MTMR9: variants seen among roughly 807,000 people sequenced by gnomAD.
The protein encoded by MTMR9 is myotubularin related protein 9.
A neutral mutation model predicts 69.5 loss-of-function variants in MTMR9; 39 were observed. That is an observed-to-expected ratio of 0.56 (90% CI 0.43 to 0.73). MTMR9 has a LOEUF of 0.73. Ranked by LOEUF, MTMR9 falls within the 30% of genes least tolerant of loss-of-function variation. MTMR9 has a pLI of 0.00. For missense variants in MTMR9, 900 were observed against 671.2 expected, an observed-to-expected ratio of 1.34 and a Z score of -3.77; for synonymous variants, 354 against 240.8, an observed-to-expected ratio of 1.47 and a Z score of -4.35.
intron 2 of MTMR9, among the ~76,000 whole-genome samples, chr8:11,299,418 C>T (rs1187992572): frequency 1.3e-5 from 2 of 152,184 alleles, no homozygotes; most frequent in African/African-American, 4.8e-5. Context: ...GCTTCAACAA[C>T]ACTATGAAGT....
At chr8:11,306,497 A>G in intron 5 of MTMR9, 90 bp downstream of exon 5, 1 of 1,179,760 alleles carries the variant, frequency 8.5e-7, no homozygotes, top group Non-Finnish European at 1.2e-6. Context: ...AAGTGCTCAA[A>G]TTAACTTCTG....
intron 9 of MTMR9, chr8:11,320,354 A>G (rs1159337110): frequency 1.3e-5 from 2 of 152,298 alleles, no homozygotes; most frequent in Non-Finnish European, 2.9e-5. Flanking sequence ...AATCTATTCT[A>G]AAGTAGATTT....
At chr8:11,338,165 A>G in the MTMR9 span, among the ~76,000 whole-genome samples, 2 of 152,246 alleles carry the variant, frequency 1.3e-5, no homozygotes, top group African/African-American at 4.8e-5. Context: ...TGATGCTTGG[A>G]AAAATGATGG....
At chr8:11,312,437 C>T (rs1800241400) in intron 6 of MTMR9, among the ~76,000 whole-genome samples, 1 of 152,198 alleles carries the variant, frequency 6.6e-6, no homozygotes. Flanking sequence ...ACTTCAAACT[C>T]CTGGCTTCAA....
chr8:11,297,910 G>T (rs1323508447), intron 2 of MTMR9: 2 of 456,094 alleles, frequency 4.4e-6, no homozygotes, highest in South Asian at 3.1e-5. Flanking sequence ...AATCCCTCCT[G>T]CTAGCCCTCC....
intron 1 of MTMR9, among the ~76,000 whole-genome samples, chr8:11,292,084 A>G (rs967755466): frequency 6.6e-6 from 1 of 152,050 alleles, no homozygotes; most frequent in African/African-American, 2.4e-5. Flanking sequence ...ATGAGTTTGC[A>G]TTATCTAGAA....
downstream of MTMR9, among the ~76,000 whole-genome samples, chr8:11,330,405 C>T (rs1301902208): frequency 3.9e-5 from 6 of 152,226 alleles, no homozygotes; most frequent in South Asian, 2.1e-4. Flanking sequence ...GCCACCACCC[C>T]GTCTGGGAGG....
In MTMR9 at chr8:11,287,675, T is replaced by C. The variant is rs183582136; in HGVS notation, c.182+2605T>C. On this transcript the variant is annotated intron_variant, in intron 1 of 9. Transcript: ENST00000221086. The stretch of plus-strand genomic sequence containing the variant: ...AATAAATATATATATTTATTAGATA[T>C]ATTTATATTTATTATGTTTATTATA... Among the ~76,000 whole-genome samples, 642 of 141,386 alleles carry C rather than the reference T, an allele frequency of 4.5e-3. 4 individuals carry two copies. Among genetic ancestry groups the C allele is most frequent in the African/African-American group, 0.016 (615 of 37,818 alleles). The allele number at this position is 141,386 out of a possible 152,430, so 92.8% of individuals were successfully genotyped here.
intron 2 of MTMR9, chr8:11,298,085 T>C (rs1799620984): frequency 1.1e-5 from 4 of 359,492 alleles, no homozygotes; most frequent in South Asian, 8.7e-5. Flanking sequence ...CTCAGTTATC[T>C]AAATTGTAGC....
At chr8:11,332,587 T>A (rs551892484), downstream of MTMR9, among the ~76,000 whole-genome samples, 2 of 145,698 alleles carry the variant, frequency 1.4e-5, no homozygotes, top group East Asian at 4.4e-4. Context: ...CGATAGAGTT[T>A]GTTTGTTTTT....
At chr8:11,289,004 T>C (rs901784345) in intron 1 of MTMR9, among the ~76,000 whole-genome samples, 2 of 152,084 alleles carry the variant, frequency 1.3e-5, no homozygotes, top group African/African-American at 4.8e-5. Context: ...AAACCTCATC[T>C]CTACTGAAAA....
At chr8:11,338,656 G>T in the MTMR9 span, among the ~76,000 whole-genome samples, 1 of 152,176 alleles carries the variant, frequency 6.6e-6, no homozygotes, top group African/African-American at 2.4e-5. Context: ...TCACTGCTTT[G>T]CCTTATACAA....
rs774067647 is a variant in MTMR9 at position 11,322,647 on chromosome 8, A to G, written c.1509A>G (p.Arg503=). ...TAGGTATTTTCCTACGTTGGAATAG[A>G]TCCTCTAAGTATTTGGATGAAGCAT... ...LWEGIFLRWN[R]SSKYLDEAYE... is the part of the protein sequence containing the mutation. Residue 503 remains arginine, a synonymous_variant, in exon 10 of 10, where the codon AGA becomes AGG. Transcript: ENST00000221086. 2 of 1,613,810 alleles carry G rather than the reference A, an allele frequency of 1.2e-6. No individual in the cohort carries two copies. Among genetic ancestry groups the G allele is most frequent in the Non-Finnish European group, 1.7e-6 (2 of 1,179,866 alleles).
chr8:11,288,236 AT>A (rs1317703840), intron 1 of MTMR9, among the ~76,000 whole-genome samples: 12 of 126,590 alleles, frequency 9.5e-5, no homozygotes, highest in African/African-American at 3.9e-4. Flanking sequence ...ATAATATATA[AT>A]AATAATAATT....
At chr8:11,320,404 C>A (rs1428600895) in intron 9 of MTMR9, 7 of 152,088 alleles carry the variant, frequency 4.6e-5, no homozygotes, top group Admixed American at 4.6e-4. Flanking sequence ...AAGCTTATCC[C>A]CTTAAGTATG....
intron 9 of MTMR9, 125 bp from the exon 10 acceptor site, chr8:11,322,500 T>TGTGA (rs1800739440): frequency 1.4e-6 from 1 of 712,052 alleles, no homozygotes; most frequent in Admixed American, 2.9e-5. Context: ...AAAATACAGA[T>TGTGA]GTGAGTTGTG....
At chr8:11,299,407 T>C (rs1799672728) in intron 2 of MTMR9, among the ~76,000 whole-genome samples, 1 of 152,226 alleles carries the variant, frequency 6.6e-6, no homozygotes, top group Admixed American at 6.5e-5. Flanking sequence ...TCTCTCTTAA[T>C]GCTTCAACAA....
At position 11,323,037 on chromosome 8, in the gene MTMR9, C is replaced by T. The variant is rs118092403; in HGVS notation, c.*249C>T. 0.034 allele frequency: 10,193 copies of T among 302,390 alleles called. 247 individuals are homozygous for T. Among genetic ancestry groups the T allele is most frequent in the Middle Eastern group, 0.054 (60 of 1,104 alleles). The allele number at this position is 302,390 out of a possible 1,614,324, so 18.7% of individuals were successfully genotyped here. On this transcript the variant is annotated 3_prime_UTR_variant, in exon 10 of 10. Transcript: ENST00000221086. ...GGAGGTGCTAGTCATTTTATTTTTA[C>T]GTGAAATAGATGACCTATTTAATGC...
chr8:11,331,010 A>T, downstream of MTMR9: 1 of 1,498,326 alleles, frequency 6.7e-7, no homozygotes, highest in Non-Finnish European at 8.9e-7. Context: ...AGTTCCAGGG[A>T]AGAACCCCAC....
Sources: gnomAD v4.1 joint callset for allele counts (sites outside exome capture counted in the v4.1 genomes callset) on GRCh38, gnomAD v4.1.1 for gene constraint, MANE v1.5 for transcripts, NCBI Gene and HGNC (gene_info 2026-07-23, HGNC 2026-07-21) for gene names.